Variants in ZC3H12B observed in about 807,000 individuals in gnomAD.
The protein encoded by ZC3H12B is zinc finger CCCH-type containing 12B.
Under a neutral mutation model 43.9 loss-of-function variants are expected in ZC3H12B, and 7 were observed. The ratio of observed to expected loss-of-function variants is 0.16; its 90% confidence interval spans 0.09 to 0.30. The LOEUF (loss-of-function observed/expected upper bound fraction) is 0.30. Among genes scored for constraint, ZC3H12B ranks in the 10% least tolerant of loss-of-function variants. The probability of loss-of-function intolerance (pLI) is 1.00; values close to 1 mark genes in which losing one functional copy is unlikely to be tolerated. For synonymous variants in ZC3H12B, 222 were observed against 241.7 expected (o/e 0.92, Z 0.76); for missense variants, 475 against 670.2 (o/e 0.71, Z 3.22).
At chrX:65,293,398 T>G in the ZC3H12B span, among the ~76,000 whole-genome samples, 2 of 109,979 alleles carry the variant, frequency 1.8e-5, no homozygotes, top group Non-Finnish European at 1.9e-5. Flanking sequence ...TGTACCCAAA[T>G]GAGAAGAAAC....
At chrX:65,144,635 C>A in the ZC3H12B span, among the ~76,000 whole-genome samples, 847 of 111,252 alleles carry the variant, frequency 7.6e-3, 4 homozygotes, top group Middle Eastern at 0.037. Context: ...TTAGCACTGC[C>A]TTTGCTGTGC....
the ZC3H12B span, among the ~76,000 whole-genome samples, chrX:65,249,971 G>A: frequency 9.1e-6 from 1 of 110,009 alleles, no homozygotes; most frequent in Non-Finnish European, 1.9e-5. Flanking sequence ...AAGTTCTAGG[G>A]TACATGTGCA....
chrX:65,265,774 G>A, the ZC3H12B span, among the ~76,000 whole-genome samples: 2 of 111,792 alleles, frequency 1.8e-5, no homozygotes, highest in Non-Finnish European at 3.8e-5. Context: ...AAAGTAATTG[G>A]AGTTCAACTT....
chrX:65,166,094 G>A, the ZC3H12B span, among the ~76,000 whole-genome samples: 8 of 110,585 alleles, frequency 7.2e-5, no homozygotes, highest in South Asian at 3.9e-4. Flanking sequence ...TGTGCACAAT[G>A]CGCAGGTTTG....
At chrX:65,256,934 A>G in the ZC3H12B span, among the ~76,000 whole-genome samples, 2 of 112,392 alleles carry the variant, frequency 1.8e-5, no homozygotes, top group Non-Finnish European at 3.8e-5. Flanking sequence ...AATGGCGATC[A>G]TGAAAAAGTC....
chrX:65,293,936 G>A, the ZC3H12B span, among the ~76,000 whole-genome samples: 3 of 111,652 alleles, frequency 2.7e-5, no homozygotes, highest in South Asian at 7.3e-4. Flanking sequence ...ATATTTGAGG[G>A]AATAATTGAG....
rs780694400 is a variant in ZC3H12B, at chrX:65,383,723, C to T, written n.295+14725C>T. Among the ~76,000 whole-genome samples, 7 of 111,184 alleles carry T rather than the reference C, an allele frequency of 6.3e-5. No homozygotes were observed. The South Asian group carries it at 1.9e-3, about 30-fold the overall frequency. ...TACTCATCTGACAAAGGGCTAATATCCAGAATCTACAATGAACTCAAACAA... is the reference window on the plus strand; with the variant it reads ...TACTCATCTGACAAAGGGCTAATATTCAGAATCTACAATGAACTCAAACAA... On this transcript the variant is annotated intron_variant and non_coding_transcript_variant, in intron 2 of 5. Transcript: ENST00000617377.
At chrX:65,383,027 C>T (rs978413685) in intron 2 of ZC3H12B, among the ~76,000 whole-genome samples, 4 of 111,014 alleles carry the variant, frequency 3.6e-5, no homozygotes, top group Admixed American at 9.5e-5. Context: ...GACCATACTG[C>T]CCAAGGTAAT....
At position 65,434,563 on chromosome X, in the gene ZC3H12B, G is replaced by A. The variant is rs186187013; in HGVS notation, n.407+35859G>A. 7.1e-4 allele frequency among the ~76,000 whole-genome samples: 80 copies of A among 112,335 alleles called. No homozygotes were observed. In the East Asian group the frequency reaches 0.013, roughly 18 times the overall value. ...TAAATTTGGTCTGATCTAACTTTAT[G>A]TTCCTTCCATCATTATCCCATACAC... On this transcript the variant is annotated intron_variant and non_coding_transcript_variant, in intron 3 of 5. Coordinates refer to the ZC3H12B transcript ENST00000617377.
intron 3 of ZC3H12B, among the ~76,000 whole-genome samples, chrX:65,418,718 C>T (rs1024428588): frequency 8.9e-6 from 1 of 111,777 alleles, no homozygotes; most frequent in Non-Finnish European, 1.9e-5. Flanking sequence ...GTCAAGTGAA[C>T]ATAAGTTTCA....
At chrX:65,381,888 C>T (rs1275331579) in intron 2 of ZC3H12B, among the ~76,000 whole-genome samples, 2 of 111,644 alleles carry the variant, frequency 1.8e-5, no homozygotes, top group Non-Finnish European at 3.8e-5. Context: ...CATACACTCT[C>T]CCAAGACTAA....
intron 2 of ZC3H12B, among the ~76,000 whole-genome samples, chrX:65,378,792 C>T (rs930829204): frequency 9.8e-5 from 11 of 112,464 alleles, no homozygotes; most frequent in African/African-American, 2.6e-4. Context: ...TTGCCTCACT[C>T]GGGAAGTGCA....
At chrX:65,076,485 C>T in the ZC3H12B span, among the ~76,000 whole-genome samples, 1 of 111,722 alleles carries the variant, frequency 9.0e-6, no homozygotes, top group Non-Finnish European at 1.9e-5. Context: ...TTCAGCCCCA[C>T]ATTCTTTCTC....
chrX:65,145,461 T>C, the ZC3H12B span, among the ~76,000 whole-genome samples: 1 of 111,961 alleles, frequency 8.9e-6, no homozygotes, highest in African/African-American at 3.2e-5. Context: ...TTTAGGCCAT[T>C]TACATTGCAT....
At chrX:65,149,170 G>A in the ZC3H12B span, among the ~76,000 whole-genome samples, 2 of 111,176 alleles carry the variant, frequency 1.8e-5, no homozygotes, top group Non-Finnish European at 3.8e-5. Context: ...TAAGCTTGGA[G>A]GAAAGATGCA....
chrX:65,460,461 C>T (rs2067722905), intron 3 of ZC3H12B, among the ~76,000 whole-genome samples: 1 of 111,950 alleles, frequency 8.9e-6, no homozygotes, highest in African/African-American at 3.3e-5. Flanking sequence ...TCAAACTATA[C>T]TACAAGGCTA....
intron 3 of ZC3H12B, among the ~76,000 whole-genome samples, chrX:65,440,225 C>A (rs1347422242): frequency 8.9e-6 from 1 of 111,945 alleles, no homozygotes. Flanking sequence ...TGATTCCCTT[C>A]AGTCAAAGGT....
At chrX:65,289,906 T>G in the ZC3H12B span, among the ~76,000 whole-genome samples, 2 of 110,970 alleles carry the variant, frequency 1.8e-5, no homozygotes, top group Non-Finnish European at 3.8e-5. Flanking sequence ...AAAATTGTCC[T>G]GGACATTGTC....
At chrX:65,096,064 G>A in the ZC3H12B span, among the ~76,000 whole-genome samples, 2 of 111,384 alleles carry the variant, frequency 1.8e-5, no homozygotes, top group African/African-American at 6.5e-5. Context: ...GTTAGATATG[G>A]CAGAAATATT....
Sources: allele counts gnomAD v4.1 joint callset (sites outside exome capture counted in the v4.1 genomes callset), GRCh38; gene constraint gnomAD v4.1.1; transcripts MANE v1.5; gene names NCBI Gene and HGNC (gene_info 2026-07-23, HGNC 2026-07-21).